Variants in ZNF385D observed in about 807,000 individuals in gnomAD.
ZNF385D encodes zinc finger protein 659.
In ZNF385D, 15 loss-of-function variants were observed where a neutral mutation model predicts 35.8. The ratio of observed to expected loss-of-function variants is 0.42; its 90% CI spans 0.28 to 0.64. The LOEUF (loss-of-function observed/expected upper bound fraction) is 0.64, where lower values mean the gene tolerates loss of function less well. ZNF385D is among the 30% of genes least tolerant of loss of function. The pLI, the probability that ZNF385D is intolerant of heterozygous loss-of-function variation, is 0.23. For synonymous variants in ZNF385D, 212 were observed against 186.8 expected (o/e 1.13, Z -1.10); for missense variants, 474 against 494.6 (o/e 0.96, Z 0.39).
chr3:21,612,705 C>T (rs913428022), intron 2 of ZNF385D, among the ~76,000 whole-genome samples: 3 of 152,178 alleles, frequency 2.0e-5, no homozygotes, highest in South Asian at 2.1e-4. Flanking sequence ...ATCTATCCTG[C>T]ATCTTGTGCT....
At chr3:22,246,749 T>C (rs900798008) in intron 2 of ZNF385D, among the ~76,000 whole-genome samples, 3 of 152,168 alleles carry the variant, frequency 2.0e-5, no homozygotes, top group Admixed American at 1.3e-4. Context: ...GAAACCCAAA[T>C]GACTTTCAGA....
At chr3:22,260,316 G>C (rs1263929375) in intron 2 of ZNF385D, among the ~76,000 whole-genome samples, 1 of 151,828 alleles carries the variant, frequency 6.6e-6, no homozygotes, top group Non-Finnish European at 1.5e-5. Context: ...GAGAACACAG[G>C]GAGGGAAACA....
intron 3 of ZNF385D, among the ~76,000 whole-genome samples, chr3:21,892,933 G>A (rs761635661): frequency 2.6e-5 from 4 of 152,074 alleles, no homozygotes; most frequent in Non-Finnish European, 4.4e-5. Flanking sequence ...GTAAAAATAA[G>A]CATTTTTTGG....
At chr3:21,681,309 A>AAAAC (rs1431704432) in intron 1 of ZNF385D, among the ~76,000 whole-genome samples, 1 of 147,148 alleles carries the variant, frequency 6.8e-6, no homozygotes, top group East Asian at 1.9e-4. Flanking sequence ...AAAAAAAAAA[A>AAAAC]AAAAAAAAAA....
intron 3 of ZNF385D, among the ~76,000 whole-genome samples, chr3:21,812,244 C>T (rs780269357): frequency 2.0e-5 from 3 of 152,196 alleles, no homozygotes; most frequent in Non-Finnish European, 4.4e-5. Flanking sequence ...CCAAGATGGT[C>T]GAATAGGAAC....
At chr3:22,145,241 A>C (rs1227306525) in intron 3 of ZNF385D, among the ~76,000 whole-genome samples, 1 of 152,226 alleles carries the variant, frequency 6.6e-6, no homozygotes, top group Non-Finnish European at 1.5e-5. Flanking sequence ...ACCATAAATA[A>C]AGTTATTAGG....
chr3:21,928,060 TTAAAAA>T (rs1700822884), intron 3 of ZNF385D, among the ~76,000 whole-genome samples: 1 of 151,780 alleles, frequency 6.6e-6, no homozygotes, highest in African/African-American at 2.4e-5. Context: ...TCGATAAATA[TTAAAAA>T]TAAAAAAGTT....
At chr3:22,276,090 ATAAAT>A (rs1193861730) in intron 2 of ZNF385D, among the ~76,000 whole-genome samples, 1 of 152,074 alleles carries the variant, frequency 6.6e-6, no homozygotes, top group African/African-American at 2.4e-5. Flanking sequence ...GTCTCAAAAA[ATAAAT>A]AAAGAATCAT....
At chr3:21,907,971 A>C (rs1699765469) in intron 3 of ZNF385D, among the ~76,000 whole-genome samples, 2 of 152,134 alleles carry the variant, frequency 1.3e-5, no homozygotes, top group South Asian at 4.1e-4. Flanking sequence ...AAATAAAAAC[A>C]ACAGGGGTTT....
At chr3:21,912,402 A>C (rs1328149790) in intron 3 of ZNF385D, among the ~76,000 whole-genome samples, 1 of 152,076 alleles carries the variant, frequency 6.6e-6, no homozygotes, top group Admixed American at 6.6e-5. Flanking sequence ...ATCTCTTACA[A>C]TATTTAGAGA....
At chr3:21,483,657 C>T (rs1258632120) in intron 4 of ZNF385D, among the ~76,000 whole-genome samples, 2 of 152,100 alleles carry the variant, frequency 1.3e-5, no homozygotes, top group Non-Finnish European at 2.9e-5. Context: ...ATTTGCATTT[C>T]CCTGATAGCT....
intron 3 of ZNF385D, among the ~76,000 whole-genome samples, chr3:22,003,984 T>C (rs569711764): frequency 1.3e-5 from 2 of 151,922 alleles, no homozygotes; most frequent in East Asian, 3.9e-4. Context: ...CATCATACTA[T>C]CTGACTTTAA....
Position 22,088,222 on chromosome 3 carries a change from G to A in ZNF385D, c.325+80595C>T, listed in dbSNP as rs1482307199. ...CAAGGCATGTTAACATGGGCACGAT[G>A]AGCAAATGCTGAAGGAGAAAGTGAA... On this transcript the variant is annotated intron_variant, in intron 3 of 5. Transcript: ENST00000494108. Among the ~76,000 whole-genome samples, 3 of 152,222 alleles carry A rather than the reference G, an allele frequency of 2.0e-5. No individual in the cohort carries two copies. The East Asian group carries it at 5.8e-4, about 29-fold the overall frequency.
At chr3:22,314,166 G>A (rs1165175923) in intron 2 of ZNF385D, among the ~76,000 whole-genome samples, 3 of 151,984 alleles carry the variant, frequency 2.0e-5, no homozygotes, top group Non-Finnish European at 2.9e-5. Context: ...GTGGCAGTTG[G>A]TTATATGAGT....
chr3:22,088,909 C>T (rs1379212588), intron 3 of ZNF385D, among the ~76,000 whole-genome samples: 1 of 151,744 alleles, frequency 6.6e-6, no homozygotes, highest in Non-Finnish European at 1.5e-5. Flanking sequence ...CGTAAGGAAG[C>T]AGAGATGAAA....
At chr3:21,730,463 G>C (rs2068945518) in intron 1 of ZNF385D, among the ~76,000 whole-genome samples, 1 of 152,064 alleles carries the variant, frequency 6.6e-6, no homozygotes, top group Non-Finnish European at 1.5e-5. Context: ...GAAAAAAAAT[G>C]GTTCATAATC....
chr3:21,653,192 C>T (rs10780011), intron 2 of ZNF385D, among the ~76,000 whole-genome samples: 145,291 of 152,206 alleles, frequency 0.95, 69,386 homozygotes, highest in Middle Eastern at 0.97. Context: ...CCCAGCAGCA[C>T]TGAGCTTTTG....
chr3:21,791,973 T>TCCA (rs1471487244), intron 3 of ZNF385D, among the ~76,000 whole-genome samples: 2 of 152,174 alleles, frequency 1.3e-5, no homozygotes, highest in African/African-American at 4.8e-5. Context: ...GACCTCGTGA[T>TCCA]CCACCTACCT....
intron 3 of ZNF385D, among the ~76,000 whole-genome samples, chr3:21,839,904 C>T (rs1266261271): frequency 6.6e-6 from 1 of 151,988 alleles, no homozygotes; most frequent in Non-Finnish European, 1.5e-5. Context: ...CACCTAAAGA[C>T]CGAGAGCGCA....
Sources: gnomAD v4.1 joint callset for allele counts (sites outside exome capture counted in the v4.1 genomes callset) on GRCh38, gnomAD v4.1.1 for gene constraint, MANE v1.5 for transcripts, NCBI Gene and HGNC (gene_info 2026-07-23, HGNC 2026-07-21) for gene names.